Variants in KDM5B observed in about 807,000 individuals in gnomAD.
KDM5B encodes the protein lysine-specific demethylase 5B.
Under a neutral mutation model 193.4 loss-of-function variants are expected in KDM5B, and 144 were observed. The observed-to-expected ratio is 0.74, with a 90% CI of 0.65 to 0.86. The LOEUF (loss-of-function observed/expected upper bound fraction) is 0.86. KDM5B is among the 40% of genes least tolerant of loss of function. The probability of loss-of-function intolerance (pLI) is 0.00; values close to 1 mark genes in which losing one functional copy is unlikely to be tolerated. For synonymous variants in KDM5B, 668 were observed against 682.6 expected (o/e 0.98, Z 0.33); for missense variants, 1,833 against 1,886.9 (o/e 0.97, Z 0.53).
intron 4 of KDM5B, among the ~76,000 whole-genome samples, chr1:202,770,254 A>C (rs1232243109): frequency 6.6e-6 from 1 of 152,218 alleles, no homozygotes; most frequent in Non-Finnish European, 1.5e-5. Flanking sequence ...TATCATCATC[A>C]TGCCATAATC....
intron 8 of KDM5B, 53 bp downstream of exon 8, chr1:202,760,362 G>C (rs1656198609): frequency 2.4e-6 from 3 of 1,257,558 alleles, no homozygotes; most frequent in Non-Finnish European, 3.3e-6. Context: ...CAAAGGCAAA[G>C]AAAAATGCCC....
At chr1:202,759,550 CA>C (rs67515433) in intron 8 of KDM5B, among the ~76,000 whole-genome samples, 44,144 of 115,638 alleles carry the variant, frequency 0.38, 7,691 homozygotes, top group Middle Eastern at 0.58. Flanking sequence ...GATCCTGTCT[CA>C]AAAAAAAAAA....
chr1:202,757,150 G>A (rs558130464), intron 9 of KDM5B, among the ~76,000 whole-genome samples: 35 of 152,196 alleles, frequency 2.3e-4, no homozygotes, highest in Non-Finnish European at 2.8e-4. Context: ...CTTTGCATAG[G>A]CAGTTCACAA....
rs1430674043 is a variant in KDM5B at position 202,756,343 on chromosome 1, C to T, written c.1356+15G>A. 4 of 1,566,352 alleles carry T rather than the reference C, an allele frequency of 2.6e-6. No individual in the cohort carries two copies. Among genetic ancestry groups the T allele is most frequent in the Non-Finnish European group, 2.6e-6 (3 of 1,157,238 alleles). ...TCAATAAATACCTCAATTTCCAAGC[C>T]ACTTATATGCCTACCTCTTCCTCAG... On this transcript the variant is annotated intron_variant, in intron 10 of 26. Coordinates refer to ENST00000367265, the MANE Select transcript of KDM5B (RefSeq NM_006618.5).
At chr1:202,790,450 T>C (rs370141193) in intron 1 of KDM5B, among the ~76,000 whole-genome samples, 21 of 152,114 alleles carry the variant, frequency 1.4e-4, no homozygotes, top group African/African-American at 5.1e-4. Context: ...CCAGGCACCA[T>C]GGCTCATGCC....
intron 1 of KDM5B, among the ~76,000 whole-genome samples, chr1:202,794,667 T>G (rs1006720637): frequency 2.0e-5 from 3 of 152,136 alleles, no homozygotes; most frequent in Non-Finnish European, 4.4e-5. Flanking sequence ...AAAGCAGTAT[T>G]AAGTGACTGA....
In KDM5B at chr1:202,735,694, T is replaced by C. The variant is rs1303489999; in HGVS notation, c.3265-107A>G. 4 of 1,035,386 alleles carry C rather than the reference T, an allele frequency of 3.9e-6. No homozygotes were observed. In the African/African-American group the frequency reaches 6.4e-5, roughly 17 times the overall value. The allele number at this position is 1,035,386 out of a possible 1,614,324, so 64.1% of individuals were successfully genotyped here. A position where few individuals can be genotyped will look rare whatever the true frequency, so the allele number is the denominator to read the frequency against. On this transcript the variant is annotated intron_variant, in intron 21 of 26. Coordinates refer to ENST00000367265, the MANE Select transcript of KDM5B (RefSeq NM_006618.5). Reference sequence around the variant, plus strand: ...AGCAGTAAAAAGGATGTGCATTTCTTAGTATTGAAGATTTTCTTTGGAACA... The same window carrying C: ...AGCAGTAAAAAGGATGTGCATTTCTCAGTATTGAAGATTTTCTTTGGAACA...
intron 25 of KDM5B, 103 bp from the exon 26 acceptor site, chr1:202,730,130 C>CGA: frequency 1.0e-6 from 1 of 991,232 alleles, no homozygotes; most frequent in Non-Finnish European, 1.4e-6. Flanking sequence ...GATGATCCCC[C>CGA]AATCTACACG....
chr1:202,784,533 T>C (rs1657328363), intron 1 of KDM5B, among the ~76,000 whole-genome samples: 1 of 152,176 alleles, frequency 6.6e-6, no homozygotes, highest in Non-Finnish European at 1.5e-5. Flanking sequence ...AAAAGACCAC[T>C]TTCTCATCAA....
intron 14 of KDM5B, 86 bp from the exon 15 acceptor site, chr1:202,746,409 GAAAA>G: frequency 1.2e-5 from 6 of 503,914 alleles, no homozygotes; most frequent in Admixed American, 4.0e-5. Flanking sequence ...ACTTGAGTCT[GAAAA>G]AAAAAAAAAA....
intron 26 of KDM5B, 125 bp from the exon 27 acceptor site, chr1:202,729,298 T>A: frequency 9.9e-7 from 1 of 1,005,714 alleles, no homozygotes; most frequent in Non-Finnish European, 1.5e-6. Context: ...CTGGGACCTC[T>A]GGCACAACAG....
At chr1:202,771,674 TG>T (rs1656725934) in intron 4 of KDM5B, among the ~76,000 whole-genome samples, 1 of 151,860 alleles carries the variant, frequency 6.6e-6, no homozygotes, top group Non-Finnish European at 1.5e-5. Context: ...CTCTGCCTCC[TG>T]GGTTCAAGTG....
At chr1:202,805,537 C>CA (rs1325170524) in intron 1 of KDM5B, among the ~76,000 whole-genome samples, 85 of 152,198 alleles carry the variant, frequency 5.6e-4, no homozygotes, top group African/African-American at 2.0e-3. Flanking sequence ...AGTAAAATAC[C>CA]AATAGTTCCA....
At position 202,730,925 on chromosome 1, in the gene KDM5B, C is replaced by T; in HGVS notation, c.4160G>A (p.Arg1387Lys). 6.2e-7 allele frequency: 1 copy of T among 1,606,712 alleles called. No individual in the cohort carries two copies. Among genetic ancestry groups the T allele is most frequent in the South Asian group, 1.1e-5 (1 of 90,372 alleles). ...AQQTDRSSPV[R>K]PSSEKNDCCR... is the part of the protein sequence containing the mutation. ...GACACTCACCTTCTCACTGCTGGGT[C>T]TCACTGGTGAGCTTCGGTCAGTCTG... Residue 1387 changes from arginine to lysine, a missense_variant, in exon 25 of 27, where the codon AGA becomes AAA. By Grantham distance (26) the Arg-to-Lys change is conservative (BLOSUM62 2). This residue lies in a region of KDM5B where 1,379 missense variants were observed against 1,349.6 expected (regional missense o/e 1.02). Transcript: ENST00000367265.
At position 202,728,171 on chromosome 1, in the gene KDM5B, A is replaced by C. The variant is rs1654742039; in HGVS notation, c.*865T>G. ...AGAGGGGCAGAAGAAGCTGTGCTCTAATGGCTCTAAATAATCAGCATTTAG... is the reference window on the plus strand; with the variant it reads ...AGAGGGGCAGAAGAAGCTGTGCTCTCATGGCTCTAAATAATCAGCATTTAG... On this transcript the variant is annotated 3_prime_UTR_variant, in exon 27 of 27. Transcript: ENST00000367265. 6.6e-6 allele frequency: 1 copy of C among 152,290 alleles called. No homozygotes were observed. Among genetic ancestry groups the C allele is most frequent in the African/African-American group, 2.4e-5 (1 of 41,466 alleles). 9.4% of individuals were successfully genotyped at this position (152,290 alleles called of 1,614,324 possible). A position where few individuals can be genotyped will look rare whatever the true frequency, so the allele number is the denominator to read the frequency against.
At position 202,777,099 on chromosome 1, in the gene KDM5B, G is replaced by A. The variant is rs747083838; in HGVS notation, c.205-5C>T. The A allele has an allele frequency of 1.9e-5, 31 of 1,609,948 alleles. No homozygotes were observed. In the South Asian group the frequency reaches 2.7e-4, roughly 14 times the overall value. On this transcript the variant is annotated splice_region_variant and splice_polypyrimidine_tract_variant and intron_variant, in intron 1 of 26. Coordinates refer to ENST00000367265, the MANE Select transcript of KDM5B (RefSeq NM_006618.5). ...TGCAAATGGTGGCTGCCAATCCTAG[G>A]AGAAAGCAAAGGCTCTTATTAGAAT...
At chr1:202,775,481 G>A (rs1405208019) in intron 2 of KDM5B, among the ~76,000 whole-genome samples, 2 of 151,966 alleles carry the variant, frequency 1.3e-5, no homozygotes, top group African/African-American at 4.8e-5. Context: ...AGGTTGCAGT[G>A]AGCAAAGATC....
intron 14 of KDM5B, among the ~76,000 whole-genome samples, 153 bp downstream of exon 14, chr1:202,748,792 A>T (rs1655671420): frequency 6.6e-6 from 1 of 152,220 alleles, no homozygotes. Context: ...AGTGAATAAA[A>T]ATTAAAACCA....
intron 1 of KDM5B, among the ~76,000 whole-genome samples, chr1:202,791,788 G>A (rs935621916): frequency 2.6e-5 from 4 of 152,002 alleles, no homozygotes; most frequent in East Asian, 1.9e-4. Flanking sequence ...GCGCGATCTC[G>A]GCTCACTGCA....
Sources: allele counts gnomAD v4.1 joint callset (sites outside exome capture counted in the v4.1 genomes callset), GRCh38; gene constraint gnomAD v4.1.1; regional missense constraint gnomAD v4.1.1; transcripts MANE v1.5; gene names NCBI Gene and HGNC (gene_info 2026-07-23, HGNC 2026-07-21).